The following SPOPL variants were observed in gnomAD, a reference collection of about 807,000 sequenced individuals.
SPOPL encodes speckle type BTB/POZ protein like.
In SPOPL, 23 loss-of-function variants were observed where a neutral mutation model predicts 53.8. The ratio of observed to expected loss-of-function variants is 0.43; its 90% CI spans 0.31 to 0.61. The LOEUF (loss-of-function observed/expected upper bound fraction) is 0.61, where lower values mean the gene tolerates loss of function less well. SPOPL is among the 20% of genes least tolerant of loss of function. The pLI, the probability that SPOPL is intolerant of heterozygous loss-of-function variation, is 0.12. For missense variants in SPOPL, 442 were observed against 466.9 expected (o/e 0.95, Z 0.49); for synonymous variants, 164 against 149.7 (o/e 1.10, Z -0.70).
chr2:138,559,391 G>T (rs566559932), intron 7 of SPOPL, 54 bp downstream of exon 7: 16 of 1,514,248 alleles, frequency 1.1e-5, no homozygotes, highest in East Asian at 2.4e-5. Flanking sequence ...AAGTAGTTGG[G>T]TGTATGTTTT....
chr2:138,533,438 A>G (rs1684856801), intron 1 of SPOPL, among the ~76,000 whole-genome samples: 1 of 152,128 alleles, frequency 6.6e-6, no homozygotes, highest in African/African-American at 2.4e-5. Flanking sequence ...CTACTATGTT[A>G]TAGTTTTTGC....
intron 1 of SPOPL, among the ~76,000 whole-genome samples, chr2:138,536,781 G>T (rs182892648): frequency 6.6e-6 from 1 of 152,206 alleles, no homozygotes; most frequent in Admixed American, 6.5e-5. Flanking sequence ...CCTTGCAAAT[G>T]AACTTCTTTT....
intron 1 of SPOPL, among the ~76,000 whole-genome samples, chr2:138,520,616 T>C (rs993159325): frequency 6.6e-5 from 10 of 152,226 alleles, no homozygotes; most frequent in African/African-American, 2.4e-4. Context: ...GTGTTGTTCT[T>C]CCTTGTTTCT....
intron 10 of SPOPL, among the ~76,000 whole-genome samples, chr2:138,566,528 A>G (rs1026573544): frequency 6.6e-6 from 1 of 152,198 alleles, no homozygotes; most frequent in Non-Finnish European, 1.5e-5. Context: ...TTTGAACACA[A>G]TGACACACTG....
intron 1 of SPOPL, among the ~76,000 whole-genome samples, chr2:138,536,138 C>A (rs1026434826): frequency 6.6e-6 from 1 of 152,068 alleles, no homozygotes; most frequent in Non-Finnish European, 1.5e-5. Flanking sequence ...TAAGTTTAAT[C>A]ACAGTTTCTG....
chr2:138,539,621 T>A (rs527650865), intron 1 of SPOPL, among the ~76,000 whole-genome samples: 12 of 152,314 alleles, frequency 7.9e-5, no homozygotes, highest in African/African-American at 2.9e-4. Context: ...TGTAAATTTG[T>A]TTGAGTTCTT....
chr2:138,557,244 C>T (rs146826166), intron 5 of SPOPL, among the ~76,000 whole-genome samples: 2,023 of 152,132 alleles, frequency 0.013, 18 homozygotes, highest in Middle Eastern at 0.024. Flanking sequence ...CTTTGTTTAC[C>T]TTGTCTTTAT....
In SPOPL at chr2:138,572,643, G is replaced by A. The variant is rs1685812458; in HGVS notation, c.*3563G>A. 1 of 152,596 alleles carries A rather than the reference G, an allele frequency of 6.6e-6. No homozygotes were observed. Among genetic ancestry groups the A allele is most frequent in the Non-Finnish European group, 1.5e-5 (1 of 68,006 alleles). 9.5% of individuals were successfully genotyped at this position (152,596 alleles called of 1,614,324 possible). A position where few individuals can be genotyped will look rare whatever the true frequency, so the allele number is the denominator to read the frequency against. ...CTTACAAAAGAAGGTGGGTGGGTGAGTGGGTTCGTTTTAGTGTTCTCAGAT... is the reference window on the plus strand; with the variant it reads ...CTTACAAAAGAAGGTGGGTGGGTGAATGGGTTCGTTTTAGTGTTCTCAGAT... On this transcript the variant is annotated 3_prime_UTR_variant, in exon 11 of 11. Coordinates refer to ENST00000280098, the MANE Select transcript of SPOPL (RefSeq NM_001001664.3).
At chr2:138,540,751 T>C (rs897886553) in intron 1 of SPOPL, among the ~76,000 whole-genome samples, 53 of 152,206 alleles carry the variant, frequency 3.5e-4, no homozygotes, top group Non-Finnish European at 6.5e-4. Flanking sequence ...TCCTGCCTGA[T>C]TGCCCTGGCC....
At chr2:138,530,293 CAT>C (rs1026684383) in intron 1 of SPOPL, among the ~76,000 whole-genome samples, 11 of 152,202 alleles carry the variant, frequency 7.2e-5, no homozygotes, top group East Asian at 1.9e-4. Flanking sequence ...TGTGTGGACA[CAT>C]GTGTGCATGT....
chr2:138,547,738 A>G (rs967392415), intron 1 of SPOPL, among the ~76,000 whole-genome samples: 5 of 152,176 alleles, frequency 3.3e-5, no homozygotes, highest in African/African-American at 1.2e-4. Flanking sequence ...ATTTAGATGT[A>G]TTTGACGTTA....
chr2:138,535,670 A>T (rs1380627690), intron 1 of SPOPL, among the ~76,000 whole-genome samples: 1 of 143,580 alleles, frequency 7.0e-6, no homozygotes, highest in African/African-American at 2.6e-5. Flanking sequence ...TGTGTATATT[A>T]TTGCTTTTCA....
intron 1 of SPOPL, among the ~76,000 whole-genome samples, chr2:138,536,337 G>GCCCC (rs74611889): frequency 1.4e-4 from 14 of 98,614 alleles, no homozygotes; most frequent in African/African-American, 5.2e-4. Context: ...TCTATTTAGT[G>GCCCC]CCCCCCCCCC....
intron 8 of SPOPL, among the ~76,000 whole-genome samples, chr2:138,561,962 A>C (rs563664485): frequency 1.3e-5 from 2 of 152,100 alleles, no homozygotes; most frequent in African/African-American, 4.8e-5. Flanking sequence ...ACAAACCTGC[A>C]CATGTATCTC....
At chr2:138,508,381 G>A (rs766616385) in intron 1 of SPOPL, among the ~76,000 whole-genome samples, 4 of 152,076 alleles carry the variant, frequency 2.6e-5, no homozygotes, top group Non-Finnish European at 5.9e-5. Flanking sequence ...TGCCCAGGCT[G>A]GAGTGCAGTG....
intron 1 of SPOPL, among the ~76,000 whole-genome samples, chr2:138,549,610 A>T (rs984669953): frequency 6.6e-6 from 1 of 152,164 alleles, no homozygotes; most frequent in Non-Finnish European, 1.5e-5. Context: ...AAGTCTTATC[A>T]GAGAACCTGT....
chr2:138,567,325 A>G (rs1382195776), intron 10 of SPOPL, among the ~76,000 whole-genome samples: 1 of 151,636 alleles, frequency 6.6e-6, no homozygotes, highest in East Asian at 1.9e-4. Flanking sequence ...CACCCCAGAA[A>G]AAGGAAATGA....
intron 1 of SPOPL, among the ~76,000 whole-genome samples, chr2:138,516,246 C>G (rs905257720): frequency 8.6e-5 from 13 of 152,010 alleles, no homozygotes; most frequent in Non-Finnish European, 1.9e-4. Context: ...ACCATGCTTG[C>G]TAGAGCGTCT....
intron 10 of SPOPL, among the ~76,000 whole-genome samples, chr2:138,567,627 G>A (rs1233196722): frequency 1.3e-5 from 2 of 152,130 alleles, no homozygotes; most frequent in African/African-American, 2.4e-5. Context: ...GGTGGAGAAC[G>A]AATTGTGGGG....
Sources: allele counts gnomAD v4.1 joint callset (sites outside exome capture counted in the v4.1 genomes callset), GRCh38; gene constraint gnomAD v4.1.1; transcripts MANE v1.5; gene names NCBI Gene and HGNC (gene_info 2026-07-23, HGNC 2026-07-21).